Variants in MDGA2 observed in about 807,000 individuals in gnomAD.
The protein encoded by MDGA2 is MAM domain-containing glycosylphosphatidylinositol anchor protein 2.
Under a neutral mutation model 117.8 loss-of-function variants are expected in MDGA2, and 40 were observed. The observed-to-expected ratio is 0.34, with a 90% CI of 0.26 to 0.44. The LOEUF is 0.44. Among genes scored for constraint, MDGA2 ranks in the 20% least tolerant of loss-of-function variants. The pLI is 1.00. For synonymous variants in MDGA2, 452 were observed against 439.0 expected, an observed-to-expected ratio of 1.03 and a Z score of -0.37; for missense variants, 1,123 against 1,250.6, an observed-to-expected ratio of 0.90 and a Z score of 1.54.
chr14:47,264,307 A>G (rs1052025466), intron 2 of MDGA2, among the ~76,000 whole-genome samples: 1 of 152,180 alleles, frequency 6.6e-6, no homozygotes, highest in African/African-American at 2.4e-5. Context: ...TAAACAAAAA[A>G]TAATAGAGCC....
At chr14:46,864,523 G>C (rs1484994447) in intron 14 of MDGA2, among the ~76,000 whole-genome samples, 1 of 68,596 alleles carries the variant, frequency 1.5e-5, no homozygotes, top group Non-Finnish European at 3.1e-5. Context: ...ATCTTGTTTT[G>C]TTGCGCTTTG....
chr14:47,599,396 G>C (rs1050005786), intron 1 of MDGA2, among the ~76,000 whole-genome samples: 1 of 151,878 alleles, frequency 6.6e-6, no homozygotes, highest in Non-Finnish European at 1.5e-5. Context: ...AAAGGAAAAG[G>C]CAATATATGG....
chr14:47,408,078 G>GTTTTTT (rs1566772553), intron 1 of MDGA2, among the ~76,000 whole-genome samples: 1 of 136,506 alleles, frequency 7.3e-6, no homozygotes, highest in Admixed American at 7.6e-5. Flanking sequence ...TTTTTTTTTG[G>GTTTTTT]TGGCATCTTG....
intron 1 of MDGA2, among the ~76,000 whole-genome samples, chr14:47,401,638 A>C (rs1038898074): frequency 1.3e-5 from 2 of 152,184 alleles, no homozygotes; most frequent in Non-Finnish European, 2.9e-5. Context: ...CTGGCAGCAA[A>C]TTACTGGCCA....
At chr14:47,060,000 AACTG>A (rs1258923233) in intron 7 of MDGA2, among the ~76,000 whole-genome samples, 2 of 152,236 alleles carry the variant, frequency 1.3e-5, no homozygotes, top group African/African-American at 2.4e-5. Flanking sequence ...AACAAGTGAT[AACTG>A]ACTGTGTGTA....
intron 10 of MDGA2, among the ~76,000 whole-genome samples, chr14:46,919,810 C>T (rs1374545417): frequency 6.6e-6 from 1 of 152,038 alleles, no homozygotes; most frequent in Non-Finnish European, 1.5e-5. Context: ...TATGTAATTT[C>T]AAAGATTTTT....
At chr14:46,969,930 TTCCATATATATATATATATATA>T (rs1228716685) in intron 8 of MDGA2, among the ~76,000 whole-genome samples, 2,484 of 135,786 alleles carry the variant, frequency 0.018, 61 homozygotes, top group African/African-American at 0.038. Flanking sequence ...ACTTAAAGTA[TTCCATATATATATATATATATA>T]TATATATATA....
At chr14:47,382,902 C>T (rs1292268463) in intron 1 of MDGA2, among the ~76,000 whole-genome samples, 5 of 152,180 alleles carry the variant, frequency 3.3e-5, no homozygotes, top group East Asian at 1.9e-4. Context: ...GACACATGCA[C>T]ATGTATGTTT....
At chr14:46,932,334 T>A (rs188286484) in intron 9 of MDGA2, among the ~76,000 whole-genome samples, 4 of 152,150 alleles carry the variant, frequency 2.6e-5, no homozygotes, top group African/African-American at 9.6e-5. Context: ...ATAATGTAAG[T>A]TCACATGAAT....
chr14:46,865,785 T>A (rs1881730474), intron 14 of MDGA2, among the ~76,000 whole-genome samples: 1 of 152,120 alleles, frequency 6.6e-6, no homozygotes, highest in Non-Finnish European at 1.5e-5. Flanking sequence ...TGAACTCCCA[T>A]TCACAATTGC....
intron 8 of MDGA2, among the ~76,000 whole-genome samples, chr14:47,002,412 T>C (rs1160139237): frequency 6.6e-6 from 1 of 152,028 alleles, no homozygotes; most frequent in Non-Finnish European, 1.5e-5. Context: ...GATTAAGAAA[T>C]TCAATAACTT....
At chr14:47,569,099 C>G (rs1895972436) in intron 1 of MDGA2, among the ~76,000 whole-genome samples, 1 of 151,552 alleles carries the variant, frequency 6.6e-6, no homozygotes, top group South Asian at 2.1e-4. Flanking sequence ...TTTTTAATAC[C>G]TTTATTTGCT....
intron 8 of MDGA2, among the ~76,000 whole-genome samples, chr14:47,025,902 T>TA (rs1888456393): frequency 2.0e-5 from 3 of 152,132 alleles, no homozygotes; most frequent in Admixed American, 2.0e-4. Flanking sequence ...TGGAAGGGCA[T>TA]GTTGGCAAGC....
chr14:46,851,985 T>C (rs1340235875), intron 15 of MDGA2, among the ~76,000 whole-genome samples: 2 of 151,618 alleles, frequency 1.3e-5, no homozygotes, highest in African/African-American at 4.8e-5. Context: ...AAAAGTGGCA[T>C]GGGATTGTTT....
At chr14:47,195,288 C>CA (rs1454439182) in intron 3 of MDGA2, among the ~76,000 whole-genome samples, 2 of 151,940 alleles carry the variant, frequency 1.3e-5, no homozygotes, top group Non-Finnish European at 2.9e-5. Flanking sequence ...CCTCTTTCAA[C>CA]AAAATTATTA....
intron 1 of MDGA2, among the ~76,000 whole-genome samples, chr14:47,361,180 T>C (rs898187484): frequency 1.4e-5 from 2 of 145,298 alleles, no homozygotes; most frequent in Non-Finnish European, 3.0e-5. Flanking sequence ...CAAAATGTCA[T>C]GTTGTACTCT....
intron 1 of MDGA2, among the ~76,000 whole-genome samples, chr14:47,397,388 T>C (rs919274541): frequency 6.6e-6 from 1 of 151,972 alleles, no homozygotes; most frequent in Admixed American, 6.6e-5. Context: ...GGATGATGGG[T>C]TGATGGGTGC....
chr14:46,919,871 T>C (rs1326278112), intron 10 of MDGA2, 141 bp downstream of exon 10: 16 of 655,646 alleles, frequency 2.4e-5, no homozygotes, highest in Non-Finnish European at 3.7e-5. Context: ...GGTGAAAACA[T>C]ATCTATCTGT....
intron 1 of MDGA2, among the ~76,000 whole-genome samples, chr14:47,532,168 T>C (rs1895114311): frequency 6.6e-6 from 1 of 152,222 alleles, no homozygotes; most frequent in Admixed American, 6.5e-5. Context: ...TTATGATTAA[T>C]TACCAAGCCC....
Sources: gnomAD v4.1 joint callset for allele counts (sites outside exome capture counted in the v4.1 genomes callset) on GRCh38, gnomAD v4.1.1 for gene constraint, MANE v1.5 for transcripts, NCBI Gene and HGNC (gene_info 2026-07-23, HGNC 2026-07-21) for gene names.